The following PRKACA variants were observed in gnomAD, a reference collection of about 807,000 sequenced individuals.
PRKACA encodes cAMP-dependent protein kinase catalytic subunit alpha.
A neutral mutation model predicts 45.8 loss-of-function variants in PRKACA; 9 were observed. The ratio of observed to expected loss-of-function variants is 0.20; its 90% CI spans 0.12 to 0.34. The LOEUF (loss-of-function observed/expected upper bound fraction) is 0.34. PRKACA is among the 10% of genes least tolerant of loss of function. The probability of loss-of-function intolerance (pLI) is 1.00; values close to 1 mark genes in which losing one functional copy is unlikely to be tolerated. For missense variants in PRKACA, 238 were observed against 458.6 expected (o/e 0.52, Z 4.39); for synonymous variants, 160 against 178.6 (o/e 0.90, Z 0.83).
chr19:14,097,557 G>A lies in PRKACA; in HGVS notation c.642+22C>T, dbSNP rs1232296063. On this transcript the variant is annotated intron_variant, in intron 7 of 9. Coordinates refer to ENST00000308677, the MANE Select transcript of PRKACA (RefSeq NM_002730.4). The surrounding 1 kb of genome is among the most constrained non-coding windows in gnomAD (Gnocchi z 5.4). The stretch of plus-strand genomic sequence containing the variant: ...GAGCAGAGCCGGCCTCAGGGGAAGG[G>A]GAGGGCTGGGGAGGCTCCTACTTTG... The A allele has an allele frequency of 1.2e-6, 2 of 1,613,198 alleles. No individual in the cohort carries two copies. Among genetic ancestry groups the A allele is most frequent in the Non-Finnish European group, 1.7e-6 (2 of 1,179,502 alleles).
In PRKACA at chr19:14,092,282, T is replaced by C. The variant is rs1977099612; in HGVS notation, c.*830A>G. 4.8e-6 allele frequency: 1 copy of C among 209,840 alleles called. No homozygotes were observed. The highest frequency in any genetic ancestry group is 2.3e-5 in the African/African-American group (1 of 43,752). The allele number at this position is 209,840 out of a possible 1,614,324, so 13.0% of individuals were successfully genotyped here. Reference sequence around the variant, plus strand: ...CTTTGGCAGGGAGAGGGGCAGCTGCTTTGTCTGGCTTTCAAAGCCCAAGGG... The same window carrying C: ...CTTTGGCAGGGAGAGGGGCAGCTGCCTTGTCTGGCTTTCAAAGCCCAAGGG... On this transcript the variant is annotated 3_prime_UTR_variant, in exon 10 of 10. Coordinates refer to ENST00000308677, the MANE Select transcript of PRKACA (RefSeq NM_002730.4).
chr19:14,093,710 C>T lies in PRKACA; in HGVS notation c.848G>A (p.Gly283Glu), dbSNP rs772509949. 1.2e-6 allele frequency: 2 copies of T among 1,614,014 alleles called. No homozygotes were observed. The highest frequency in any genetic ancestry group is 8.5e-7 in the Non-Finnish European group (1 of 1,179,972). The change falls in exon 9 of 10, where the codon GGG (glycine) becomes GAG (glutamate). Residue 283 changes from glycine to glutamate, a missense_variant. This residue lies in a region of PRKACA where 94 missense variants were observed against 240.9 expected (regional missense o/e 0.39). Transcript: ENST00000308677. ...LLQVDLTKRFGNLKNGVNDIK... is the reference protein window; with the variant it reads ...LLQVDLTKRFENLKNGVNDIK... ...ATCGTTGACCCCATTCTTGAGGTTC[C>T]CAAAGCGCTTGGTGAGATCTACCTG...
intron 5 of PRKACA, among the ~76,000 whole-genome samples, chr19:14,100,032 A>G (rs901371885): frequency 7.9e-5 from 12 of 151,598 alleles, no homozygotes; most frequent in Non-Finnish European, 1.6e-4. Flanking sequence ...TTTAGTAGAG[A>G]CGGGGTTTCA....
chr19:14,113,732 G>A (rs773475163), intron 1 of PRKACA, among the ~76,000 whole-genome samples: 1 of 152,122 alleles, frequency 6.6e-6, no homozygotes, highest in African/African-American at 2.4e-5. Flanking sequence ...CTCCAGTGGA[G>A]CCTGGATTCC....
Position 14,097,317 on chromosome 19 carries a change from CGG to C in PRKACA, c.765+42_765+43del. ...GGGAATAGGATGGGTGAGCAGGGAA[CGG>C]TCTGTTTCTTCCAGGGCTGTGTCCC... On this transcript the variant is annotated intron_variant, in intron 8 of 9. Coordinates refer to ENST00000308677, the MANE Select transcript of PRKACA (RefSeq NM_002730.4). This position sits in a 1 kb window ranked among gnomAD's most constrained non-coding sequence, Gnocchi z 5.4. 6.2e-7 allele frequency: 1 copy of C among 1,612,916 alleles called. No homozygotes were observed. The highest frequency in any genetic ancestry group is 8.5e-7 in the Non-Finnish European group (1 of 1,179,174).
intron 1 of PRKACA, among the ~76,000 whole-genome samples, chr19:14,110,497 G>A (rs927528528): frequency 6.6e-6 from 1 of 151,802 alleles, no homozygotes; most frequent in African/African-American, 2.4e-5. Context: ...GTTCAAGCCC[G>A]GGACATAGAG....
intron 1 of PRKACA, among the ~76,000 whole-genome samples, chr19:14,117,247 A>T (rs1233149477): frequency 1.3e-5 from 2 of 150,968 alleles, no homozygotes; most frequent in Non-Finnish European, 3.0e-5. Flanking sequence ...CAGCGGTCAT[A>T]CGTGCCATGG....
rs1199921755 is a variant in PRKACA at position 14,102,154 on chromosome 19, ACT to A, written c.336+660_336+661del. ...TCTCCAGCCTGAGCAACAGAGTGAG[ACT>A]CTGTCTCAACAAAAAAAAATTATTA... On this transcript the variant is annotated intron_variant, in intron 4 of 9. Coordinates refer to ENST00000308677, the MANE Select transcript of PRKACA (RefSeq NM_002730.4). Among the ~76,000 whole-genome samples, 5 of 152,126 alleles carry A rather than the reference ACT, an allele frequency of 3.3e-5. No individual in the cohort carries two copies. In the East Asian group the frequency reaches 7.7e-4, roughly 23 times the overall value.
chr19:14,096,351 G>GTT (rs757373093), intron 8 of PRKACA: 4,188 of 108,272 alleles, frequency 0.039, 91 homozygotes, highest in Non-Finnish European at 0.053. Context: ...CGGCCAGTTT[G>GTT]TTTTTTTTTT....
At chr19:14,115,734 C>G (rs1028460532) in intron 1 of PRKACA, among the ~76,000 whole-genome samples, 3 of 152,146 alleles carry the variant, frequency 2.0e-5, no homozygotes, top group Admixed American at 6.5e-5. Flanking sequence ...TTCCACCCCC[C>G]ACCACATGTG....
chr19:14,117,418 G>T, intron 1 of PRKACA, 84 bp downstream of exon 1: 1 of 1,207,762 alleles, frequency 8.3e-7, no homozygotes. Flanking sequence ...GAGGGGCCCC[G>T]TAGGGGGAGG....
At chr19:14,095,790 A>G (rs1977229409) in intron 8 of PRKACA, among the ~76,000 whole-genome samples, 1 of 152,122 alleles carries the variant, frequency 6.6e-6, no homozygotes, top group Non-Finnish European at 1.5e-5. Context: ...TGCTGGGATT[A>G]TAGGTGTGAG....
intron 1 of PRKACA, among the ~76,000 whole-genome samples, chr19:14,111,192 G>GT (rs1219010190): frequency 6.6e-6 from 1 of 152,224 alleles, no homozygotes; most frequent in African/African-American, 2.4e-5. Flanking sequence ...GAGGTTGGGA[G>GT]TTTGAGACCA....
intron 1 of PRKACA, among the ~76,000 whole-genome samples, chr19:14,113,530 G>A (rs1177677258): frequency 6.6e-6 from 1 of 152,192 alleles, no homozygotes; most frequent in Non-Finnish European, 1.5e-5. Flanking sequence ...TGGGAATGGG[G>A]AATTGCAACA....
chr19:14,097,958 G>T lies in PRKACA; in HGVS notation c.420-68C>A. 1 of 1,593,634 alleles carries T rather than the reference G, an allele frequency of 6.3e-7. No homozygotes were observed. The highest frequency in any genetic ancestry group is 1.1e-5 in the South Asian group (1 of 89,120). Reference sequence around the variant, plus strand: ...CCAAAATGGTCCAGCAGGTGGCCCTGCAGAGCCTACCCCAGAGGAAGACAC... The same window carrying T: ...CCAAAATGGTCCAGCAGGTGGCCCTTCAGAGCCTACCCCAGAGGAAGACAC... On this transcript the variant is annotated intron_variant, in intron 5 of 9. Transcript: ENST00000308677. The surrounding 1 kb of genome is among the most constrained non-coding windows in gnomAD (Gnocchi z 5.4).
chr19:14,098,878 A>ACTGTTTTG (rs1977352622), intron 5 of PRKACA, among the ~76,000 whole-genome samples: 1 of 152,014 alleles, frequency 6.6e-6, no homozygotes, highest in African/African-American at 2.4e-5. Context: ...AGTTCCATAT[A>ACTGTTTTG]CTGTTTTGGG....
chr19:14,114,793 A>T (rs1346343928), intron 1 of PRKACA, among the ~76,000 whole-genome samples: 3 of 147,368 alleles, frequency 2.0e-5, no homozygotes, highest in Non-Finnish European at 4.5e-5. Flanking sequence ...CCCCAACTCC[A>T]CTCCAGGGTT....
At chr19:14,096,032 GTTTTTTT>G (rs60082323) in intron 8 of PRKACA, among the ~76,000 whole-genome samples, 4 of 92,586 alleles carry the variant, frequency 4.3e-5, no homozygotes, top group East Asian at 6.2e-4. Flanking sequence ...CTAATTTTTA[GTTTTTTT>G]TTTTTTTTTT....
intron 3 of PRKACA, 89 bp downstream of exon 3, chr19:14,106,671 T>G: frequency 6.5e-7 from 1 of 1,542,968 alleles, no homozygotes; most frequent in Non-Finnish European, 8.8e-7. Context: ...AGCAAGTGAG[T>G]GAACGGGTGG....
Sources: allele counts gnomAD v4.1 joint callset (sites outside exome capture counted in the v4.1 genomes callset), GRCh38; gene constraint gnomAD v4.1.1; regional missense constraint gnomAD v4.1.1; non-coding constraint Gnocchi (gnomAD v3.1); transcripts MANE v1.5; gene names NCBI Gene and HGNC (gene_info 2026-07-23, HGNC 2026-07-21).